CDH18: variants seen among roughly 807,000 people sequenced by gnomAD.
CDH18 encodes the protein cadherin-18.
CDH18 carries 31 observed loss-of-function variants against 67.9 expected under a neutral mutation model. The ratio of observed to expected loss-of-function variants is 0.46; its 90% CI spans 0.34 to 0.62. CDH18 has a LOEUF of 0.62. Ranked by LOEUF, CDH18 falls within the 20% of genes least tolerant of loss-of-function variation. The pLI, the probability that CDH18 is intolerant of heterozygous loss-of-function variation, is 0.01. For synonymous variants in CDH18, 362 were observed against 347.2 expected, an observed-to-expected ratio of 1.04 and a Z score of -0.48; for missense variants, 890 against 975.5, an observed-to-expected ratio of 0.91 and a Z score of 1.17.
chr5:20,168,453 T>C (rs1006462546), intron 2 of CDH18, among the ~76,000 whole-genome samples: 7 of 152,030 alleles, frequency 4.6e-5, no homozygotes, highest in Non-Finnish European at 7.4e-5. Flanking sequence ...TTTAAAAGAA[T>C]AGAAAATTCT....
chr5:20,108,051 C>T (rs74319245), intron 2 of CDH18, among the ~76,000 whole-genome samples: 3,131 of 151,514 alleles, frequency 0.021, 44 homozygotes, highest in Middle Eastern at 0.045. Flanking sequence ...TTACATTAAT[C>T]GCCTCTTTGT....
chr5:20,388,139 A>G (rs1346626369), intron 1 of CDH18, among the ~76,000 whole-genome samples: 3 of 152,166 alleles, frequency 2.0e-5, no homozygotes, highest in Non-Finnish European at 4.4e-5. Flanking sequence ...GTCAGAAGGA[A>G]TGGCACCAGT....
intron 2 of CDH18, among the ~76,000 whole-genome samples, chr5:19,929,873 T>G (rs1442129671): frequency 6.6e-6 from 1 of 152,120 alleles, no homozygotes; most frequent in African/African-American, 2.4e-5. Flanking sequence ...TGGATGACTG[T>G]ATTTCCAATA....
rs183724832 is a variant in CDH18 at position 20,275,772 on chromosome 5, A to T, written c.-579-20267T>A. Among the ~76,000 whole-genome samples, 190 of 152,316 alleles carry T rather than the reference A, an allele frequency of 1.2e-3. 1 individual carries two copies. Among genetic ancestry groups the T allele is most frequent in the African/African-American group, 4.3e-3 (177 of 41,586 alleles). ...TCAAAGTACCTGGTTTTAACTTCTT[A>T]TCACTGAAACAGGCTCTGAATGGGA... On this transcript the variant is annotated intron_variant, in intron 1 of 14. Coordinates refer to the CDH18 transcript ENST00000507958.
chr5:19,741,267 A>ATG (rs548306894), intron 4 of CDH18, among the ~76,000 whole-genome samples: 1,304 of 126,884 alleles, frequency 0.01, 12 homozygotes, highest in Middle Eastern at 0.021. Flanking sequence ...GTATACATAT[A>ATG]TACATATATA....
At chr5:19,734,755 A>G (rs1768075643) in intron 4 of CDH18, among the ~76,000 whole-genome samples, 1 of 152,040 alleles carries the variant, frequency 6.6e-6, no homozygotes. Flanking sequence ...TGCTCTAGGA[A>G]TTTTTGGAAT....
At chr5:20,052,525 A>G (rs1741525091) in intron 2 of CDH18, among the ~76,000 whole-genome samples, 1 of 152,108 alleles carries the variant, frequency 6.6e-6, no homozygotes, top group African/African-American at 2.4e-5. Flanking sequence ...GGGTGCGTGT[A>G]TTCATGGACT....
intron 2 of CDH18, among the ~76,000 whole-genome samples, chr5:20,230,416 A>G (rs1387236189): frequency 6.6e-6 from 1 of 152,302 alleles, no homozygotes; most frequent in Non-Finnish European, 1.5e-5. Flanking sequence ...CCATATCATG[A>G]TGTGATATCT....
At chr5:20,068,619 T>C (rs906524470) in intron 2 of CDH18, among the ~76,000 whole-genome samples, 2 of 152,164 alleles carry the variant, frequency 1.3e-5, no homozygotes, top group African/African-American at 2.4e-5. Flanking sequence ...GTTTTCAATA[T>C]GTTTATATTT....
intron 2 of CDH18, among the ~76,000 whole-genome samples, chr5:20,075,678 T>C (rs1426902869): frequency 6.6e-6 from 1 of 152,170 alleles, no homozygotes; most frequent in Non-Finnish European, 1.5e-5. Context: ...AGGCTAAGTG[T>C]TTGTATAAGA....
chr5:20,365,214 G>T (rs1043619118), intron 1 of CDH18, among the ~76,000 whole-genome samples: 8 of 152,272 alleles, frequency 5.3e-5, no homozygotes, highest in Admixed American at 1.3e-4. Flanking sequence ...GCTGTGTGCT[G>T]TGTGTTCCCA....
chr5:20,168,373 A>C (rs553311236), intron 2 of CDH18, among the ~76,000 whole-genome samples: 1 of 152,102 alleles, frequency 6.6e-6, no homozygotes, highest in Non-Finnish European at 1.5e-5. Flanking sequence ...CAAAGCTTAA[A>C]AGGAACAAAC....
intron 1 of CDH18, among the ~76,000 whole-genome samples, chr5:20,387,097 T>C (rs371518015): frequency 5.1e-4 from 78 of 152,274 alleles, no homozygotes; most frequent in African/African-American, 1.8e-3. Context: ...CATGGTCTTA[T>C]TTATAGCTAC....
chr5:20,410,205 A>G (rs1026829002), intron 1 of CDH18, among the ~76,000 whole-genome samples: 12 of 151,596 alleles, frequency 7.9e-5, no homozygotes, highest in Non-Finnish European at 1.3e-4. Context: ...CAGACAATAT[A>G]CTAGAATTAA....
Position 19,735,483 on chromosome 5 carries a change from G to A in CDH18, c.523+11459C>T, listed in dbSNP as rs368220877. ...GTGATCTCGGCTCACTGCAAGCTCC[G>A]CCTCTGGGTTCACGCCATTCTCCTG... is the stretch of plus-strand genomic sequence containing the variant. On this transcript the variant is annotated intron_variant, in intron 4 of 12. Coordinates refer to ENST00000382275, the MANE Select transcript of CDH18 (RefSeq NM_004934.5). Among the ~76,000 whole-genome samples, 19 of 149,144 alleles carry A rather than the reference G, an allele frequency of 1.3e-4. No individual in the cohort carries two copies. The South Asian group carries it at 2.3e-3, about 18-fold the overall frequency.
chr5:19,479,513 T>C (rs545564070), intron 12 of CDH18, among the ~76,000 whole-genome samples: 2 of 152,150 alleles, frequency 1.3e-5, no homozygotes, highest in African/African-American at 2.4e-5. Context: ...AAAGCAAATA[T>C]TGCATTATAA....
At chr5:20,340,992 G>A (rs10941697) in intron 1 of CDH18, among the ~76,000 whole-genome samples, 64,380 of 151,852 alleles carry the variant, frequency 0.42, 15,799 homozygotes, top group Middle Eastern at 0.61. Context: ...TCTTCCCCTG[G>A]TGGAGACCAA....
chr5:19,865,970 C>G (rs959317215), intron 2 of CDH18, among the ~76,000 whole-genome samples: 16 of 152,152 alleles, frequency 1.1e-4, no homozygotes, highest in South Asian at 8.3e-4. Context: ...CCACCAGTAT[C>G]TAACACGATG....
At chr5:20,476,613 A>T (rs73767546) in intron 1 of CDH18, among the ~76,000 whole-genome samples, 8,380 of 152,200 alleles carry the variant, frequency 0.055, 768 homozygotes, top group African/African-American at 0.19. Context: ...TCATTATTTC[A>T]ATTAAGTTTT....
Sources: gnomAD v4.1 joint callset for allele counts (sites outside exome capture counted in the v4.1 genomes callset) on GRCh38, gnomAD v4.1.1 for gene constraint, MANE v1.5 for transcripts, NCBI Gene and HGNC (gene_info 2026-07-23, HGNC 2026-07-21) for gene names.